Variants in NIPAL2 observed in about 807,000 individuals in gnomAD.
NIPAL2 encodes NIPA-like protein 2.
In NIPAL2, 43 loss-of-function variants were observed where a neutral mutation model predicts 48.9. The ratio of observed to expected loss-of-function variants is 0.88; its 90% CI spans 0.69 to 1.13. The LOEUF is 1.13. NIPAL2 is among the 50% of genes most tolerant of loss of function. The pLI is 0.00. For synonymous variants in NIPAL2, 167 were observed against 174.6 expected (o/e 0.96, Z 0.34); for missense variants, 446 against 461.4 (o/e 0.97, Z 0.31).
At chr8:98,216,335 G>A (rs556968113) in intron 5 of NIPAL2, among the ~76,000 whole-genome samples, 92 of 152,316 alleles carry the variant, frequency 6.0e-4, no homozygotes, top group Non-Finnish European at 9.3e-4. Flanking sequence ...AGATGCAGAG[G>A]ATAACAGTGG....
intron 1 of NIPAL2, among the ~76,000 whole-genome samples, chr8:98,266,228 C>T (rs1273630553): frequency 2.7e-5 from 4 of 146,504 alleles, no homozygotes; most frequent in African/African-American, 7.5e-5. Flanking sequence ...CACATGTATA[C>T]ATATGTAACT....
At chr8:98,252,005 A>T (rs770020713) in intron 3 of NIPAL2, among the ~76,000 whole-genome samples, 2 of 152,202 alleles carry the variant, frequency 1.3e-5, no homozygotes, top group African/African-American at 2.4e-5. Context: ...ATTACTGTAA[A>T]ATTACACATT....
At chr8:98,243,342 G>A (rs1813098575) in intron 3 of NIPAL2, among the ~76,000 whole-genome samples, 2 of 152,190 alleles carry the variant, frequency 1.3e-5, no homozygotes, top group Admixed American at 1.3e-4. Flanking sequence ...TTGGATTCAG[G>A]TTTCCAGATG....
rs534552918 is a variant in NIPAL2, at chr8:98,192,827, G to A, written c.*151C>T. ...GACTGTCAGAGCTTAGGAAGTCCCC[G>A]ATTGTCCATAGACGCTGAGGTGGGG... On this transcript the variant is annotated 3_prime_UTR_variant, in exon 11 of 11. Coordinates refer to ENST00000430223, the MANE Select transcript of NIPAL2 (RefSeq NM_001321635.2). The A allele has an allele frequency of 1.6e-4, 99 of 621,334 alleles. No homozygotes were observed. The highest frequency in any genetic ancestry group is 1.2e-3 in the African/African-American group (64 of 54,590). 38.5% of individuals were successfully genotyped at this position (621,334 alleles called of 1,614,324 possible). A position where few individuals can be genotyped will look rare whatever the true frequency, so the allele number is the denominator to read the frequency against.
chr8:98,262,924 C>G (rs1000951403), intron 1 of NIPAL2, among the ~76,000 whole-genome samples: 12 of 151,452 alleles, frequency 7.9e-5, no homozygotes, highest in African/African-American at 2.7e-4. Context: ...TTATAACAAA[C>G]TATCTCTCAG....
chr8:98,248,302 C>T (rs1813405906), intron 3 of NIPAL2, among the ~76,000 whole-genome samples: 1 of 152,196 alleles, frequency 6.6e-6, no homozygotes, highest in Admixed American at 6.5e-5. Context: ...ATTTAACCAT[C>T]AGCCATCTTT....
chr8:98,244,605 G>A (rs375729229), intron 3 of NIPAL2, among the ~76,000 whole-genome samples: 6 of 144,718 alleles, frequency 4.1e-5, no homozygotes, highest in African/African-American at 1.5e-4. Flanking sequence ...CTGTGGTGAT[G>A]AGAGGGTGGG....
At chr8:98,283,127 C>A (rs1815950482) in intron 1 of NIPAL2, among the ~76,000 whole-genome samples, 1 of 152,182 alleles carries the variant, frequency 6.6e-6, no homozygotes, top group South Asian at 2.1e-4. Flanking sequence ...CCTTCCCATG[C>A]AATTAAGAAC....
intron 1 of NIPAL2, among the ~76,000 whole-genome samples, chr8:98,264,698 A>T (rs1814595114): frequency 6.6e-6 from 1 of 151,226 alleles, no homozygotes; most frequent in African/African-American, 2.4e-5. Flanking sequence ...GAAAATGGCC[A>T]TACTGCCCAA....
intron 3 of NIPAL2, among the ~76,000 whole-genome samples, chr8:98,242,319 A>G (rs1813027595): frequency 6.6e-6 from 1 of 151,690 alleles, no homozygotes; most frequent in South Asian, 2.1e-4. Context: ...AGCTGGGACT[A>G]TAGGCAATAC....
intron 3 of NIPAL2, among the ~76,000 whole-genome samples, chr8:98,242,462 C>T (rs573278718): frequency 6.8e-6 from 1 of 146,676 alleles, no homozygotes; most frequent in East Asian, 2.0e-4. Context: ...GCTGAGATTA[C>T]AGGCAAAAGC....
At chr8:98,235,082 G>A (rs1434878339) in intron 4 of NIPAL2, among the ~76,000 whole-genome samples, 1 of 152,072 alleles carries the variant, frequency 6.6e-6, no homozygotes, top group Non-Finnish European at 1.5e-5. Context: ...AAGACATTAC[G>A]CTCAAGGGAA....
intron 5 of NIPAL2, among the ~76,000 whole-genome samples, chr8:98,215,358 T>C (rs1811522466): frequency 6.6e-6 from 1 of 152,244 alleles, no homozygotes; most frequent in Non-Finnish European, 1.5e-5. Context: ...ATGCTGATTT[T>C]TTTCTAGCAA....
chr8:98,233,732 A>C (rs1025262309), intron 4 of NIPAL2, among the ~76,000 whole-genome samples: 1 of 152,188 alleles, frequency 6.6e-6, no homozygotes, highest in African/African-American at 2.4e-5. Context: ...GTACATATTG[A>C]TATTTTTATT....
At chr8:98,214,460 G>A (rs767683218) in intron 5 of NIPAL2, among the ~76,000 whole-genome samples, 34 of 152,198 alleles carry the variant, frequency 2.2e-4, no homozygotes, top group African/African-American at 5.1e-4. Context: ...CACCGCACCC[G>A]GCCCAGGCTA....
chr8:98,195,914 A>G (rs58297506), intron 9 of NIPAL2, 28 bp downstream of exon 9: 2 of 1,485,000 alleles, frequency 1.3e-6, no homozygotes, highest in Non-Finnish European at 1.9e-6. Context: ...AGAATTTCAC[A>G]TGCTTTACCT....
At chr8:98,267,469 T>G (rs1814843037) in intron 1 of NIPAL2, among the ~76,000 whole-genome samples, 1 of 151,898 alleles carries the variant, frequency 6.6e-6, no homozygotes, top group East Asian at 1.9e-4. Context: ...ACTACAGGTG[T>G]GCTACCACAC....
intron 10 of NIPAL2, 172 bp from the exon 11 acceptor site, chr8:98,193,262 C>T (rs1453843128): frequency 3.4e-6 from 4 of 1,180,220 alleles, no homozygotes; most frequent in Middle Eastern, 1.9e-4. Flanking sequence ...AACGCCATGT[C>T]TGTAGCTATG....
intron 3 of NIPAL2, among the ~76,000 whole-genome samples, chr8:98,240,248 C>G (rs1215783063): frequency 6.6e-6 from 1 of 152,166 alleles, no homozygotes; most frequent in Non-Finnish European, 1.5e-5. Context: ...GCTTTTCCCT[C>G]TGGCCTTCAG....
Sources: allele counts gnomAD v4.1 joint callset (sites outside exome capture counted in the v4.1 genomes callset), GRCh38; gene constraint gnomAD v4.1.1; transcripts MANE v1.5; gene names NCBI Gene and HGNC (gene_info 2026-07-23, HGNC 2026-07-21).